Variants in LRP1B observed in about 807,000 individuals in gnomAD.
LRP1B encodes the protein LDL receptor related protein 1B.
In LRP1B, 217 loss-of-function variants were observed where a neutral mutation model predicts 556.6. That is an observed-to-expected ratio of 0.39 (90% confidence interval 0.35 to 0.44). The LOEUF (loss-of-function observed/expected upper bound fraction) is 0.44, where lower values mean the gene tolerates loss of function less well. LRP1B is among the 20% of genes least tolerant of loss of function. The pLI, the probability that LRP1B is intolerant of heterozygous loss-of-function variation, is 1.00. For synonymous variants in LRP1B, 2,047 were observed against 1,865.8 expected (o/e 1.10, Z -2.50); for missense variants, 5,053 against 5,620.8 (o/e 0.90, Z 3.23).
chr2:141,337,167 T>G (rs1378191460), intron 3 of LRP1B, among the ~76,000 whole-genome samples: 4 of 152,204 alleles, frequency 2.6e-5, no homozygotes, highest in Non-Finnish European at 1.5e-5. Context: ...CAACAAAAGA[T>G]GAGTTTCAAT....
rs1013435369 is a variant in LRP1B at position 140,969,831 on chromosome 2, G to A, written c.2887+12329C>T. The stretch of plus-strand genomic sequence containing the variant: ...AATCCTGGGTTGAAAATTCTTTTAA[G>A]AATGTTGAATATTGGCCCCCACTCT... On this transcript the variant is annotated intron_variant, in intron 18 of 90. Coordinates refer to ENST00000389484, the MANE Select transcript of LRP1B (RefSeq NM_018557.3). Among the ~76,000 whole-genome samples the A allele has an allele frequency of 2.0e-5, 3 of 152,030 alleles. No homozygotes were observed. The South Asian group carries it at 6.2e-4, about 32-fold the overall frequency.
intron 41 of LRP1B, among the ~76,000 whole-genome samples, chr2:140,621,690 T>A (rs945723992): frequency 6.6e-6 from 1 of 152,096 alleles, no homozygotes; most frequent in Admixed American, 6.5e-5. Context: ...AGTAATGGGG[T>A]GTATAACTGA....
At chr2:141,161,155 T>A (rs905933428) in intron 7 of LRP1B, among the ~76,000 whole-genome samples, 12 of 152,074 alleles carry the variant, frequency 7.9e-5, no homozygotes, top group African/African-American at 1.2e-4. Flanking sequence ...TAGTGCAAAA[T>A]TTTTTAAAAA....
intron 3 of LRP1B, among the ~76,000 whole-genome samples, chr2:141,434,080 C>A (rs1004238715): frequency 5.9e-5 from 9 of 151,666 alleles, no homozygotes; most frequent in Non-Finnish European, 1.0e-4. Flanking sequence ...GTTCTCTTTG[C>A]ATTTTTCCTA....
At chr2:140,305,851 T>G (rs1287379629) in intron 83 of LRP1B, among the ~76,000 whole-genome samples, 1 of 151,988 alleles carries the variant, frequency 6.6e-6, no homozygotes, top group Non-Finnish European at 1.5e-5. Context: ...TATTGAGAGT[T>G]TTTAGCATGA....
intron 43 of LRP1B, among the ~76,000 whole-genome samples, chr2:140,597,970 T>C (rs1199127716): frequency 3.3e-5 from 5 of 152,152 alleles, no homozygotes; most frequent in Non-Finnish European, 5.9e-5. Context: ...CAGATTTCTC[T>C]AGTGCTGTAG....
At chr2:140,902,311 T>C (rs1394682080) in intron 23 of LRP1B, among the ~76,000 whole-genome samples, 1 of 151,918 alleles carries the variant, frequency 6.6e-6, no homozygotes, top group Non-Finnish European at 1.5e-5. Flanking sequence ...TCTTACAACA[T>C]GCTATAAGCA....
intron 7 of LRP1B, among the ~76,000 whole-genome samples, chr2:141,126,043 T>A (rs1477304321): frequency 1.3e-5 from 2 of 151,610 alleles, no homozygotes; most frequent in Non-Finnish European, 2.9e-5. Flanking sequence ...TTTTATTTTT[T>A]TTTTTTTGAG....
chr2:141,872,769 C>G (rs1558931905), intron 1 of LRP1B, among the ~76,000 whole-genome samples: 1 of 151,924 alleles, frequency 6.6e-6, no homozygotes, highest in Non-Finnish European at 1.5e-5. Context: ...TATCATCTAT[C>G]ATGTTGGTAT....
chr2:140,498,362 T>C (rs1014452275), intron 55 of LRP1B, among the ~76,000 whole-genome samples: 5 of 151,936 alleles, frequency 3.3e-5, no homozygotes, highest in African/African-American at 7.2e-5. Context: ...TTATTTCTAC[T>C]GTATACATCA....
intron 2 of LRP1B, among the ~76,000 whole-genome samples, chr2:141,759,854 G>A (rs758735859): frequency 2.6e-4 from 40 of 152,140 alleles, no homozygotes; most frequent in Non-Finnish European, 4.9e-4. Context: ...AAATATACTT[G>A]AATATTGGCG....
intron 31 of LRP1B, among the ~76,000 whole-genome samples, chr2:140,823,294 CTTAATTGT>C (rs1377383640): frequency 1.8e-5 from 1 of 56,890 alleles, no homozygotes; most frequent in African/African-American, 3.7e-5. Flanking sequence ...AGTGGCTCTT[CTTAATTGT>C]TTAATTTTCT....
chr2:140,373,212 C>G, intron 68 of LRP1B, 75 bp from the exon 69 acceptor site: 1 of 1,312,012 alleles, frequency 7.6e-7, no homozygotes, highest in South Asian at 1.3e-5. Context: ...GACAAGAAAA[C>G]TTATGTACAG....
rs866002230 is a variant in LRP1B at position 141,034,907 on chromosome 2, T to C, written c.1789+14079A>G. Among the ~76,000 whole-genome samples, 253 of 151,892 alleles carry C rather than the reference T, an allele frequency of 1.7e-3. 1 individual carries two copies. The highest frequency in any genetic ancestry group is 5.8e-3 in the African/African-American group (239 of 41,288). On this transcript the variant is annotated intron_variant, in intron 11 of 90. Transcript: ENST00000389484. ...ATGCTGCTATAAAGACACATGCACA[T>C]GTATGTTTATTGCGGCACTATTCAC...
At chr2:141,417,758 A>ATTTTTTTTTTTTTTTTTTTTTTTT (rs56660575) in intron 3 of LRP1B, among the ~76,000 whole-genome samples, 1 of 136,368 alleles carries the variant, frequency 7.3e-6, no homozygotes. Flanking sequence ...TGGTAGTTCT[A>ATTTTTTTTTTTTTTTTTTTTTTTT]TTTTTTTTTT....
rs2105021261 is a variant in LRP1B at position 140,541,965 on chromosome 2, C to A, written c.7201G>T (p.Val2401Phe). 1.3e-6 allele frequency: 2 copies of A among 1,597,738 alleles called. No homozygotes were observed. The highest frequency in any genetic ancestry group is 1.7e-6 in the Non-Finnish European group (2 of 1,169,566). Residue 2401 changes from valine to phenylalanine, a missense_variant, in exon 44 of 91, where the codon GTT becomes TTT. Transcript: ENST00000389484. ...AGGAAAGTCCCTGGCCCAGATTTAA[C>A]TATCACCTGAAATAAATTAAAATAC... is the stretch of plus-strand genomic sequence containing the variant. ...EYDGSQRHVI[V>F]KSGPGTFLSL...
intron 12 of LRP1B, among the ~76,000 whole-genome samples, chr2:141,016,152 G>A (rs186054178): frequency 5.8e-4 from 88 of 152,062 alleles, no homozygotes; most frequent in African/African-American, 1.9e-3. Context: ...CACCACTATC[G>A]CACTTACTGG....
chr2:140,811,453 TTTA>T (rs1469345167), intron 32 of LRP1B, among the ~76,000 whole-genome samples: 3 of 152,160 alleles, frequency 2.0e-5, no homozygotes, highest in Admixed American at 2.0e-4. Flanking sequence ...AGGTAACAAT[TTTA>T]TTATATTTTT....
At chr2:141,781,092 T>C (rs770676492) in intron 2 of LRP1B, among the ~76,000 whole-genome samples, 2 of 152,082 alleles carry the variant, frequency 1.3e-5, no homozygotes, top group Non-Finnish European at 2.9e-5. Flanking sequence ...CAGATAGTAT[T>C]AAAAATCTAT....
Sources: gnomAD v4.1 joint callset for allele counts (sites outside exome capture counted in the v4.1 genomes callset) on GRCh38, gnomAD v4.1.1 for gene constraint, MANE v1.5 for transcripts, NCBI Gene and HGNC (gene_info 2026-07-23, HGNC 2026-07-21) for gene names.